RBFOX1: variants seen among roughly 807,000 people sequenced by gnomAD.
RBFOX1 encodes the protein RNA binding fox-1 homolog 1.
Under a neutral mutation model 57.7 loss-of-function variants are expected in RBFOX1, and 8 were observed. That is an observed-to-expected ratio of 0.14 (90% CI 0.08 to 0.25). RBFOX1 has a LOEUF of 0.25. RBFOX1 is among the 10% of genes least tolerant of loss of function. RBFOX1 has a pLI of 1.00. For synonymous variants in RBFOX1, 326 were observed against 222.4 expected (o/e 1.47, Z -4.15); for missense variants, 611 against 548.5 (o/e 1.11, Z -1.14).
chr16:6,510,255 A>T (rs866023357), intron 2 of RBFOX1, among the ~76,000 whole-genome samples: 4 of 152,160 alleles, frequency 2.6e-5, no homozygotes, highest in Non-Finnish European at 4.4e-5. Flanking sequence ...CGGAACCATT[A>T]TTGGATTCTG....
Position 6,891,532 on chromosome 16 carries a change from G to A in RBFOX1, c.-15-160525G>A, listed in dbSNP as rs146595248. On this transcript the variant is annotated intron_variant, in intron 3 of 15. Coordinates refer to ENST00000550418, the MANE Select transcript of RBFOX1 (RefSeq NM_018723.4). ...TCAGCTACATAAACTTCCCAGTCCTGCCTTATTTATTAGTCTGTGATGGTT... is the reference window on the plus strand; with the variant it reads ...TCAGCTACATAAACTTCCCAGTCCTACCTTATTTATTAGTCTGTGATGGTT... Among the ~76,000 whole-genome samples the A allele has an allele frequency of 1.8e-3, 270 of 152,118 alleles. 1 individual carries two copies. Among genetic ancestry groups the A allele is most frequent in the African/African-American group, 6.2e-3 (259 of 41,498 alleles).
intron 2 of RBFOX1, among the ~76,000 whole-genome samples, chr16:5,555,063 A>G (rs773428670): frequency 1.3e-5 from 2 of 152,124 alleles, no homozygotes; most frequent in Non-Finnish European, 2.9e-5. Context: ...TCTTTAATTA[A>G]TAAATGTACT....
rs544030687 is a variant in RBFOX1 at position 7,261,484 on chromosome 16, C to T, written c.27+209386C>T. Among the ~76,000 whole-genome samples, 15 of 152,190 alleles carry T rather than the reference C, an allele frequency of 9.9e-5. No homozygotes were observed. In the South Asian group the frequency reaches 2.1e-3, roughly 21 times the overall value. On this transcript the variant is annotated intron_variant, in intron 4 of 15. Transcript: ENST00000550418. Reference sequence around the variant, plus strand: ...GTAAGTGAGTGTATGAGTCCCTTGTCGTCTCCCTGCCAAAGGGAACACTTG... The same window carrying T: ...GTAAGTGAGTGTATGAGTCCCTTGTTGTCTCCCTGCCAAAGGGAACACTTG...
chr16:6,846,253 A>G (rs1425118678), intron 3 of RBFOX1, among the ~76,000 whole-genome samples: 1 of 152,160 alleles, frequency 6.6e-6, no homozygotes, highest in Non-Finnish European at 1.5e-5. Context: ...TTCACCTCCT[A>G]TTACGTGAAT....
intron 3 of RBFOX1, among the ~76,000 whole-genome samples, chr16:6,886,220 C>T (rs1038368207): frequency 1.3e-5 from 2 of 151,942 alleles, no homozygotes; most frequent in African/African-American, 4.8e-5. Flanking sequence ...TGCTACCACG[C>T]TTAGCTAATT....
chr16:6,560,673 A>G lies in RBFOX1; in HGVS notation c.-63-93930A>G, dbSNP rs76809884. On this transcript the variant is annotated intron_variant, in intron 2 of 15. Coordinates refer to ENST00000550418, the MANE Select transcript of RBFOX1 (RefSeq NM_018723.4). The stretch of plus-strand genomic sequence containing the variant: ...AAATAGGGTCTTGACTTACATTTCA[A>G]ATGAATAATTTGAACTTCTGCATTG... Among the ~76,000 whole-genome samples, 513 of 152,308 alleles carry G rather than the reference A, an allele frequency of 3.4e-3. 3 individuals carry two copies. The highest frequency in any genetic ancestry group is 0.012 in the African/African-American group (487 of 41,574).
intron 3 of RBFOX1, among the ~76,000 whole-genome samples, chr16:6,986,038 A>T (rs778742161): frequency 6.6e-6 from 1 of 151,606 alleles, no homozygotes; most frequent in East Asian, 1.9e-4. Flanking sequence ...GAGAACCTGC[A>T]TATCTCCAAT....
intron 5 of RBFOX1, among the ~76,000 whole-genome samples, chr16:7,540,817 G>A (rs564104579): frequency 6.8e-4 from 104 of 152,304 alleles, no homozygotes; most frequent in African/African-American, 2.4e-3. Flanking sequence ...CTGTTTTGCA[G>A]ATTTAAGAAA....
chr16:5,923,450 G>A (rs187687472), intron 4 of RBFOX1, among the ~76,000 whole-genome samples: 42 of 152,022 alleles, frequency 2.8e-4, no homozygotes, highest in African/African-American at 9.9e-4. Flanking sequence ...ACATGGGATT[G>A]GAGCAGCTCC....
chr16:7,436,168 G>C (rs1384510531), intron 4 of RBFOX1, among the ~76,000 whole-genome samples: 2 of 152,088 alleles, frequency 1.3e-5, no homozygotes, highest in Admixed American at 6.6e-5. Context: ...CCTCTCTTTT[G>C]ACCGAGGAAT....
intron 3 of RBFOX1, among the ~76,000 whole-genome samples, chr16:6,680,274 C>T (rs111237702): frequency 0.049 from 4,351 of 88,162 alleles, 102 homozygotes; most frequent in African/African-American, 0.083. Flanking sequence ...TTCTCTCTCT[C>T]TTTTTTTTTT....
intron 3 of RBFOX1, among the ~76,000 whole-genome samples, chr16:6,860,432 CGCG>C (rs1567599674): frequency 6.6e-6 from 1 of 152,148 alleles, no homozygotes; most frequent in Non-Finnish European, 1.5e-5. Context: ...TTGGCTAAGA[CGCG>C]GGGGCAGCGG....
At chr16:6,383,199 A>G (rs1182015203) in intron 2 of RBFOX1, among the ~76,000 whole-genome samples, 3 of 152,250 alleles carry the variant, frequency 2.0e-5, no homozygotes, top group African/African-American at 7.2e-5. Flanking sequence ...TTCTTGTTAA[A>G]GGAAGCATTT....
chr16:6,690,313 G>T (rs2060022042), intron 3 of RBFOX1, among the ~76,000 whole-genome samples: 1 of 152,062 alleles, frequency 6.6e-6, no homozygotes, highest in Admixed American at 6.6e-5. Flanking sequence ...TTTTAAGTGT[G>T]CTTAGAGTGA....
chr16:5,904,469 C>A (rs1800209445), intron 4 of RBFOX1, among the ~76,000 whole-genome samples: 1 of 151,714 alleles, frequency 6.6e-6, no homozygotes, highest in Non-Finnish European at 1.5e-5. Flanking sequence ...TCGCTAAAAG[C>A]CTCTGAGAGA....
intron 3 of RBFOX1, among the ~76,000 whole-genome samples, chr16:6,808,996 C>G (rs1183665351): frequency 6.6e-6 from 1 of 152,152 alleles, no homozygotes; most frequent in Non-Finnish European, 1.5e-5. Flanking sequence ...GCTTAATAGA[C>G]AAGACTGAAA....
intron 2 of RBFOX1, among the ~76,000 whole-genome samples, chr16:6,330,144 C>T (rs1310808525): frequency 1.3e-5 from 2 of 152,048 alleles, no homozygotes; most frequent in South Asian, 4.1e-4. Flanking sequence ...TAGTTTAATA[C>T]TTAGTATGCA....
chr16:6,527,909 C>T (rs1482776845), intron 2 of RBFOX1, among the ~76,000 whole-genome samples: 2 of 151,944 alleles, frequency 1.3e-5, no homozygotes, highest in African/African-American at 2.4e-5. Context: ...CGATTCCATG[C>T]TTTATCCACT....
At chr16:7,504,737 A>ATATATATATATT (rs2072351901) in intron 4 of RBFOX1, among the ~76,000 whole-genome samples, 1 of 6,492 alleles carries the variant, frequency 1.5e-4, no homozygotes, top group Non-Finnish European at 4.5e-4. Flanking sequence ...ATATATATAT[A>ATATATATATATT]TATATATATA....
Sources: allele counts gnomAD v4.1 joint callset (sites outside exome capture counted in the v4.1 genomes callset), GRCh38; gene constraint gnomAD v4.1.1; transcripts MANE v1.5; gene names NCBI Gene and HGNC (gene_info 2026-07-23, HGNC 2026-07-21).